TMEM14A: variants seen among roughly 807,000 people sequenced by gnomAD.
The protein encoded by TMEM14A is transmembrane protein 14A.
TMEM14A carries 8 observed loss-of-function variants against 11.6 expected under a neutral mutation model. The observed-to-expected ratio is 0.69, with a 90% CI of 0.40 to 1.24. TMEM14A has a LOEUF of 1.24. Ranked by LOEUF, TMEM14A falls within the 50% of genes most tolerant of loss-of-function variation. TMEM14A has a pLI of 0.01. For synonymous variants in TMEM14A, 34 were observed against 45.5 expected (o/e 0.75, Z 1.02); for missense variants, 108 against 121.9 (o/e 0.89, Z 0.54).
chr6:52,677,614 G>GA (rs201082693), intron 2 of TMEM14A, among the ~76,000 whole-genome samples: 1 of 150,456 alleles, frequency 6.6e-6, no homozygotes, highest in South Asian at 2.2e-4. Flanking sequence ...AAAGAGGGGG[G>GA]AAAAAAACTC....
rs761948981 is a variant in TMEM14A, at chr6:52,677,161, A to G, written c.59A>G (p.Tyr20Cys). 3 of 1,614,182 alleles carry G rather than the reference A, an allele frequency of 1.9e-6. No homozygotes were observed. The highest frequency in any genetic ancestry group is 2.2e-5 in the East Asian group (1 of 44,888). Reference sequence around the variant, plus strand: ...GTGACATTTGGAAGCATTTTTGGATATAAGCGGAGAGGTAAGCCTAACCCA... The same window carrying G: ...GTGACATTTGGAAGCATTTTTGGATGTAAGCGGAGAGGTAAGCCTAACCCA... Reference protein sequence around the residue: ...ALVTFGSIFGYKRRGGVPSLI... With the variant: ...ALVTFGSIFGCKRRGGVPSLI... The change falls in exon 2 of 5, where the codon TAT becomes TGT. Residue 20 changes from tyrosine to cysteine, a missense_variant. Coordinates refer to ENST00000211314, the MANE Select transcript of TMEM14A (RefSeq NM_014051.4).
At chr6:52,681,979 A>G (rs41273850) in intron 3 of TMEM14A, 65 bp downstream of exon 3, 18,862 of 1,360,954 alleles carry the variant, frequency 0.014, 185 homozygotes, top group South Asian at 0.018. Flanking sequence ...TTGATACCCT[A>G]TGCTAGATAT....
intron 2 of TMEM14A, among the ~76,000 whole-genome samples, chr6:52,677,870 A>G (rs1769288743): frequency 1.3e-5 from 2 of 152,200 alleles, no homozygotes; most frequent in Admixed American, 1.3e-4. Context: ...TGAAAAAGCC[A>G]GGTCTACATG....
chr6:52,678,325 G>A (rs1309054751), intron 2 of TMEM14A, among the ~76,000 whole-genome samples: 1 of 8,622 alleles, frequency 1.2e-4, no homozygotes, highest in East Asian at 6.4e-3. Context: ...GTGTATGTGT[G>A]TGTTTGTGTG....
intron 1 of TMEM14A, among the ~76,000 whole-genome samples, chr6:52,672,075 C>T (rs145940667): frequency 7.2e-5 from 11 of 152,334 alleles, no homozygotes; most frequent in Non-Finnish European, 1.3e-4. Context: ...CTACCTGTTT[C>T]CTGGCAATAA....
intron 2 of TMEM14A, among the ~76,000 whole-genome samples, chr6:52,679,994 G>A (rs1003473392): frequency 6.6e-6 from 1 of 151,968 alleles, no homozygotes; most frequent in East Asian, 1.9e-4. Context: ...TTCAGAAAGT[G>A]TTTTAATCTC....
At chr6:52,681,771 T>C in intron 2 of TMEM14A, 42 bp from the exon 3 acceptor site, 2 of 1,529,904 alleles carry the variant, frequency 1.3e-6, no homozygotes, top group Non-Finnish European at 1.8e-6. Flanking sequence ...TCCTTTCCTT[T>C]TGGGATTCTC....
intron 1 of TMEM14A, among the ~76,000 whole-genome samples, chr6:52,673,014 C>A (rs1378392671): frequency 6.6e-6 from 1 of 152,226 alleles, no homozygotes; most frequent in Non-Finnish European, 1.5e-5. Flanking sequence ...CCTCTCTTTT[C>A]ACAAGCCCCT....
At chr6:52,680,918 T>TTG (rs1007437700) in intron 2 of TMEM14A, among the ~76,000 whole-genome samples, 39 of 146,762 alleles carry the variant, frequency 2.7e-4, no homozygotes, top group African/African-American at 5.2e-4. Flanking sequence ...GTTTGTGTGT[T>TTG]TGTGTGTGTG....
chr6:52,683,694 C>T (rs1345538743), intron 3 of TMEM14A, among the ~76,000 whole-genome samples: 1 of 151,376 alleles, frequency 6.6e-6, no homozygotes, highest in Non-Finnish European at 1.5e-5. Context: ...TCACCACAAC[C>T]TCTGCCTCCC....
At chr6:52,676,823 T>A (rs1254530625) in intron 1 of TMEM14A, among the ~76,000 whole-genome samples, 2 of 152,018 alleles carry the variant, frequency 1.3e-5, no homozygotes, top group Non-Finnish European at 1.5e-5. Context: ...AAGGGGGAAG[T>A]GCTACACGCT....
intron 2 of TMEM14A, 106 bp downstream of exon 2, chr6:52,677,278 G>A: frequency 8.0e-7 from 1 of 1,246,564 alleles, no homozygotes; most frequent in Non-Finnish European, 1.2e-6. Flanking sequence ...AGATGCCTTA[G>A]AGGTGGCTGA....
chr6:52,682,340 C>T lies in TMEM14A; in HGVS notation c.172+426C>T, dbSNP rs11964498. On this transcript the variant is annotated intron_variant, in intron 3 of 4. Transcript: ENST00000211314. Reference sequence around the variant, plus strand: ...ACTTAACCTAAAAAAGCAAGGCTGACGCTTTTTTAGCTACTTCCCTTGTTA... The same window carrying T: ...ACTTAACCTAAAAAAGCAAGGCTGATGCTTTTTTAGCTACTTCCCTTGTTA... Among the ~76,000 whole-genome samples, 1,430 of 152,280 alleles carry T rather than the reference C, an allele frequency of 9.4e-3. 9 individuals are homozygous for T. The highest frequency in any genetic ancestry group is 0.017 in the African/African-American group (698 of 41,550).
intron 2 of TMEM14A, among the ~76,000 whole-genome samples, chr6:52,681,514 A>G (rs925227081): frequency 1.3e-5 from 2 of 152,242 alleles, no homozygotes; most frequent in Non-Finnish European, 2.9e-5. Context: ...GTCCAAGATC[A>G]TGTAATCAGT....
Position 52,680,577 on chromosome 6 carries a change from C to CTA in TMEM14A, c.71-1230_71-1229dup, listed in dbSNP as rs1466638182. ...TCTCCAACTGTAACATTCTAAGCCA[C>CTA]TATATATTTATATATTTATATATAT... On this transcript the variant is annotated intron_variant, in intron 2 of 4. Coordinates refer to ENST00000211314, the MANE Select transcript of TMEM14A (RefSeq NM_014051.4). Among the ~76,000 whole-genome samples the CTA allele has an allele frequency of 4.9e-5, 3 of 60,802 alleles. No individual in the cohort carries two copies. The East Asian group carries it at 1.8e-3, about 37-fold the overall frequency. 39.9% of individuals were successfully genotyped at this position (60,802 alleles called of 152,430 possible).
chr6:52,678,106 G>A (rs1401670691), intron 2 of TMEM14A, among the ~76,000 whole-genome samples: 2 of 152,156 alleles, frequency 1.3e-5, no homozygotes, highest in Non-Finnish European at 2.9e-5. Flanking sequence ...AGTAAGACCT[G>A]TAAACCAAGT....
intron 3 of TMEM14A, among the ~76,000 whole-genome samples, chr6:52,683,480 CAACA>C (rs1430277250): frequency 9.9e-6 from 1 of 101,304 alleles, no homozygotes; most frequent in Admixed American, 1.1e-4. Context: ...ACAACAACAA[CAACA>C]AAAAAAAAAA....
At position 52,672,775 on chromosome 6, in the gene TMEM14A, G is replaced by A. The variant is rs1284091162; in HGVS notation, c.-17+1530G>A. Among the ~76,000 whole-genome samples the A allele has an allele frequency of 2.0e-5, 3 of 152,234 alleles. No homozygotes were observed. In the East Asian group the frequency reaches 5.8e-4, roughly 29 times the overall value. ...TTCTCATTGCCATTTCTCTAGATAAGCCTACCGTTATCAACTAAGCTCTTG... is the reference window on the plus strand; with the variant it reads ...TTCTCATTGCCATTTCTCTAGATAAACCTACCGTTATCAACTAAGCTCTTG... On this transcript the variant is annotated intron_variant, in intron 1 of 4. Coordinates refer to ENST00000211314, the MANE Select transcript of TMEM14A (RefSeq NM_014051.4).
chr6:52,676,060 G>T (rs751704222), intron 1 of TMEM14A, among the ~76,000 whole-genome samples: 7 of 152,202 alleles, frequency 4.6e-5, no homozygotes, highest in African/African-American at 7.2e-5. Flanking sequence ...AGATTGTAGT[G>T]TCACAGTTCA....
Sources: allele counts gnomAD v4.1 joint callset (sites outside exome capture counted in the v4.1 genomes callset), GRCh38; gene constraint gnomAD v4.1.1; transcripts MANE v1.5; gene names NCBI Gene and HGNC (gene_info 2026-07-23, HGNC 2026-07-21).